The following ADGRF3 variants were observed in gnomAD, a reference collection of about 807,000 sequenced individuals.
The protein encoded by ADGRF3 is adhesion G protein-coupled receptor F3, also known as G protein-coupled receptor 113.
In ADGRF3, 85 loss-of-function variants were observed where a neutral mutation model predicts 93.2. The observed-to-expected ratio is 0.91, with a 90% CI of 0.77 to 1.09. The LOEUF is 1.09. Among genes scored for constraint, ADGRF3 ranks in the 50% least tolerant of loss-of-function variants. The pLI, the probability that ADGRF3 is intolerant of heterozygous loss-of-function variation, is 0.00. For missense variants in ADGRF3, 1,125 were observed against 1,246.2 expected (o/e 0.90, Z 1.46); for synonymous variants, 534 against 532.5 (o/e 1.00, Z -0.04).
chr2:26,344,988 A>G (rs139357220), intron 1 of ADGRF3, among the ~76,000 whole-genome samples: 10 of 152,358 alleles, frequency 6.6e-5, no homozygotes, highest in Non-Finnish European at 8.8e-5. Flanking sequence ...GAATGAACAT[A>G]AAAGTATCTC....
In ADGRF3 at chr2:26,312,104, G is replaced by A. The variant is rs375200413; in HGVS notation, c.1450-30C>T. 141 of 1,569,366 alleles carry A rather than the reference G, an allele frequency of 9.0e-5. No individual in the cohort carries two copies. The African/African-American group carries it at 1.0e-3, about 11-fold the overall frequency. On this transcript the variant is annotated intron_variant, in intron 9 of 13. Transcript: ENST00000651242. ...AGCACCCAAAAGAAAGATGAACCCCGTCTGCTGGCGCCCACAGGACTGAGC... is the reference window on the plus strand; with the variant it reads ...AGCACCCAAAAGAAAGATGAACCCCATCTGCTGGCGCCCACAGGACTGAGC...
chr2:26,310,048 A>T lies in ADGRF3; in HGVS notation c.2932T>A (p.Ser978Thr), dbSNP rs778891223. ...CRAQAPSSTISLATNEGCILE... is the reference protein window; with the variant it reads ...CRAQAPSSTITLATNEGCILE... ...ATCTGAAGGCAGCAACTCACCAGGG[A>T]GATGGTGGAGCTGGGGGCTTGGGCG... is the stretch of plus-strand genomic sequence containing the variant. Residue 978 changes from serine (S) to threonine (T), a missense_variant, in exon 12 of 14, where the codon TCC becomes ACC. Physicochemically the swap from Ser to Thr is moderately conservative, Grantham distance 58. Transcript: ENST00000651242. 7 of 1,613,858 alleles carry T rather than the reference A, an allele frequency of 4.3e-6. No individual in the cohort carries two copies. The highest frequency in any genetic ancestry group is 5.9e-6 in the Non-Finnish European group (7 of 1,179,882).
intron 1 of ADGRF3, among the ~76,000 whole-genome samples, chr2:26,344,609 T>A (rs1676589725): frequency 6.6e-6 from 1 of 152,190 alleles, no homozygotes; most frequent in Non-Finnish European, 1.5e-5. Flanking sequence ...AATACTGCCC[T>A]CGAGGGCAAG....
intron 1 of ADGRF3, among the ~76,000 whole-genome samples, chr2:26,331,061 CTTT>C (rs1675740047): frequency 6.6e-6 from 1 of 152,236 alleles, no homozygotes; most frequent in East Asian, 1.9e-4. Flanking sequence ...TTGATTTCTT[CTTT>C]GTCGGCTACT....
At chr2:26,318,057 G>A (rs1483420953) in intron 1 of ADGRF3, 2 of 1,551,584 alleles carry the variant, frequency 1.3e-6, no homozygotes, top group East Asian at 4.9e-5. Context: ...GGCCCACATT[G>A]TCTGGCCCTT....
In ADGRF3 at chr2:26,314,468, G is replaced by A. The variant is rs766332380; in HGVS notation, c.874C>T (p.Pro292Ser). 1.9e-6 allele frequency: 3 copies of A among 1,614,016 alleles called. No individual in the cohort carries two copies. Among genetic ancestry groups the A allele is most frequent in the Non-Finnish European group, 2.5e-6 (3 of 1,179,910 alleles). ...GCGGTGTAGGCCAGGTTTGTGCTGG[G>A]GATGCAGCAGCTCAGCTGGAAGCCA... ...SPGFQLSCCI[P>S]STNLAYTAAW... The change falls in exon 6 of 14, where the codon CCC (proline) becomes TCC (serine). Residue 292 changes from proline (P) to serine (S), a missense_variant. Coordinates refer to ENST00000651242, the MANE Select transcript of ADGRF3 (RefSeq NM_001321971.2).
In ADGRF3 at chr2:26,313,745, C is replaced by G. The variant is rs1674406555; in HGVS notation, c.1072+15G>C. The G allele has an allele frequency of 6.2e-7, 1 of 1,613,248 alleles. No homozygotes were observed. ...GCAGCTGGGACCAGCCCACTGGGCCCCAGGCCCTGCGTACCCTGGATGATG... is the reference window on the plus strand; with the variant it reads ...GCAGCTGGGACCAGCCCACTGGGCCGCAGGCCCTGCGTACCCTGGATGATG... On this transcript the variant is annotated intron_variant, in intron 7 of 13. Transcript: ENST00000651242.
intron 1 of ADGRF3, among the ~76,000 whole-genome samples, chr2:26,331,239 G>A (rs1434554947): frequency 1.3e-5 from 2 of 152,096 alleles, no homozygotes; most frequent in Non-Finnish European, 2.9e-5. Flanking sequence ...GACAGCTTTT[G>A]TAAGTGTTCT....
In ADGRF3 at chr2:26,346,354, G is replaced by T. The variant is rs1310274977; in HGVS notation, c.-120C>A. 3.9e-6 allele frequency: 6 copies of T among 1,524,504 alleles called. No individual in the cohort carries two copies. The highest frequency in any genetic ancestry group is 4.4e-6 in the Non-Finnish European group (5 of 1,135,580). The allele number at this position is 1,524,504 out of a possible 1,614,324, so 94.4% of individuals were successfully genotyped here. A position where few individuals can be genotyped will look rare whatever the true frequency, so the allele number is the denominator to read the frequency against. ...CCTCGCCCAGGCGGCTGAGGGGCCC[G>T]CGCGGCGCGGTCCGTGTCACCTTGT... is the stretch of plus-strand genomic sequence containing the variant. On this transcript the variant is annotated 5_prime_UTR_variant, in exon 1 of 14. Coordinates refer to ENST00000651242, the MANE Select transcript of ADGRF3 (RefSeq NM_001321971.2).
At chr2:26,336,629 G>A (rs533838848) in intron 1 of ADGRF3, among the ~76,000 whole-genome samples, 59 of 148,368 alleles carry the variant, frequency 4.0e-4, no homozygotes, top group Admixed American at 1.0e-3. Context: ...TGGAGGCTGA[G>A]GTAGGAGAAT....
intron 1 of ADGRF3, chr2:26,319,089 T>TTC: frequency 6.5e-7 from 1 of 1,528,906 alleles, no homozygotes; most frequent in South Asian, 1.2e-5. Context: ...CGATGCAAAT[T>TTC]TCCGCAAGGA....
intron 1 of ADGRF3, among the ~76,000 whole-genome samples, chr2:26,331,723 T>A (rs1675780705): frequency 6.6e-6 from 1 of 151,954 alleles, no homozygotes; most frequent in African/African-American, 2.4e-5. Context: ...GTGAGACCAA[T>A]CTTTAAAATA....
Position 26,313,745 on chromosome 2 carries a change from C to T in ADGRF3, c.1072+15G>A. On this transcript the variant is annotated intron_variant, in intron 7 of 13. Coordinates refer to ENST00000651242, the MANE Select transcript of ADGRF3 (RefSeq NM_001321971.2). ...GCAGCTGGGACCAGCCCACTGGGCC[C>T]CAGGCCCTGCGTACCCTGGATGATG... 6.2e-7 allele frequency: 1 copy of T among 1,613,366 alleles called. No homozygotes were observed. The highest frequency in any genetic ancestry group is 8.5e-7 in the Non-Finnish European group (1 of 1,179,762).
In ADGRF3 at chr2:26,310,808, C is replaced by T; in HGVS notation, c.2716G>A (p.Ala906Thr). The T allele has an allele frequency of 6.2e-7, 1 of 1,613,784 alleles. No individual in the cohort carries two copies. The change falls in exon 10 of 14, where the codon GCC (alanine) becomes ACC (threonine). Residue 906 changes from alanine (A) to threonine (T), a missense_variant. By Grantham distance (58) the Ala-to-Thr change is moderately conservative (BLOSUM62 0). Transcript: ENST00000651242. ...AAGATGGGTGTAAGAATGAGCAGGG[C>T]TTTGATCACCCCCAGCAGAGCTTGG... ...KRQALLGVIK[A>T]LLILTPIFGL...
Position 26,346,242 on chromosome 2 carries a change from T to C in ADGRF3, c.-8A>G. 2 of 1,613,518 alleles carry C rather than the reference T, an allele frequency of 1.2e-6. No individual in the cohort carries two copies. The highest frequency in any genetic ancestry group is 1.7e-6 in the Non-Finnish European group (2 of 1,179,638). On this transcript the variant is annotated 5_prime_UTR_variant, in exon 1 of 14. The change abolishes the stop of an existing upstream ORF in the 5' untranslated region. Transcript: ENST00000651242. ...CAGTTTTCGGGTCGTCATGGCTGGC[T>C]ACGAATACGTGAGCCCGGAGCAGCT... is the stretch of plus-strand genomic sequence containing the variant.
At chr2:26,344,718 A>T (rs1274759262) in intron 1 of ADGRF3, among the ~76,000 whole-genome samples, 1 of 152,156 alleles carries the variant, frequency 6.6e-6, no homozygotes, top group East Asian at 1.9e-4. Context: ...CTGTAGTTCT[A>T]GCTACTTGGG....
intron 1 of ADGRF3, among the ~76,000 whole-genome samples, chr2:26,319,546 T>TCTCCCTCCCTCC (rs746092843): frequency 7.8e-4 from 48 of 61,662 alleles, no homozygotes; most frequent in African/African-American, 1.5e-3. Context: ...CCCTTCTTTC[T>TCTCCCTCCCTCC]CTCCCTCCCT....
chr2:26,345,828 G>T, intron 1 of ADGRF3: 2 of 411,444 alleles, frequency 4.9e-6, no homozygotes, highest in Non-Finnish European at 8.9e-6. Context: ...CCCCGGGACC[G>T]GGAGCAAAGC....
At chr2:26,316,546 G>C in intron 3 of ADGRF3, 98 bp from the exon 4 acceptor site, 3 of 1,289,484 alleles carry the variant, frequency 2.3e-6, no homozygotes, top group Non-Finnish European at 3.2e-6. Flanking sequence ...TTTAGGGCTG[G>C]GTATCTGGAC....
Sources: allele counts gnomAD v4.1 joint callset (sites outside exome capture counted in the v4.1 genomes callset), GRCh38; gene constraint gnomAD v4.1.1; transcripts MANE v1.5; gene names NCBI Gene and HGNC (gene_info 2026-07-23, HGNC 2026-07-21).